The following PHTF2 variants were observed in gnomAD, a reference collection of about 807,000 sequenced individuals.
PHTF2 encodes protein PHTF2.
In PHTF2, 60 loss-of-function variants were observed where a neutral mutation model predicts 101.2. That is an observed-to-expected ratio of 0.59 (90% confidence interval 0.48 to 0.73). The LOEUF (loss-of-function observed/expected upper bound fraction) is 0.73. Ranked by LOEUF, PHTF2 falls within the 30% of genes least tolerant of loss-of-function variation. PHTF2 has a pLI of 0.00. For missense variants in PHTF2, 747 were observed against 908.7 expected (o/e 0.82, Z 2.29); for synonymous variants, 311 against 307.3 (o/e 1.01, Z -0.13).
chr7:77,858,176 T>TA (rs1229695368), intron 3 of PHTF2, among the ~76,000 whole-genome samples: 1 of 152,172 alleles, frequency 6.6e-6, no homozygotes, highest in Non-Finnish European at 1.5e-5. Context: ...CTAGCAGAAA[T>TA]AGATAGGTTA....
intron 9 of PHTF2, among the ~76,000 whole-genome samples, chr7:77,919,985 T>A (rs957932485): frequency 6.6e-6 from 1 of 152,298 alleles, no homozygotes; most frequent in South Asian, 2.1e-4. Context: ...AAATTTTGTT[T>A]CTAGATTTTG....
rs34141515 is a variant in PHTF2 at position 77,809,224 on chromosome 7, G to GT, written c.-36+10273dup. Among the ~76,000 whole-genome samples, 570 of 98,474 alleles carry GT rather than the reference G, an allele frequency of 5.8e-3. 13 individuals are homozygous for GT. Among genetic ancestry groups the GT allele is most frequent in the East Asian group, 0.016 (61 of 3,750 alleles). 64.6% of individuals were successfully genotyped at this position (98,474 alleles called of 152,430 possible). A position where few individuals can be genotyped will look rare whatever the true frequency, so the allele number is the denominator to read the frequency against. On this transcript the variant is annotated intron_variant, in intron 1 of 19. Coordinates refer to ENST00000416283, the Ensembl canonical transcript of PHTF2. ...TTTTCCTATATAAACCCAGTTCGTT[G>GT]TTTTTTTTTTTTTTTTTTTTGAGAT... is the stretch of plus-strand genomic sequence containing the variant.
chr7:77,901,633 T>C (rs2428942), intron 6 of PHTF2, 129 bp from the exon 6 acceptor site: 5,140 of 428,352 alleles, frequency 0.012, 233 homozygotes, highest in African/African-American at 0.094. Flanking sequence ...AATTGGACAT[T>C]TCTCACTCAT....
At chr7:77,879,082 C>A (rs986268034) in intron 3 of PHTF2, among the ~76,000 whole-genome samples, 1 of 152,174 alleles carries the variant, frequency 6.6e-6, no homozygotes, top group African/African-American at 2.4e-5. Context: ...CTTATGCAAC[C>A]ATATCCAGTG....
At chr7:77,817,503 A>C (rs913112313) in intron 1 of PHTF2, among the ~76,000 whole-genome samples, 1 of 152,184 alleles carries the variant, frequency 6.6e-6, no homozygotes, top group Admixed American at 6.5e-5. Context: ...AAGAATGAGA[A>C]CCAAGCAAAG....
intron 12 of PHTF2, among the ~76,000 whole-genome samples, chr7:77,935,315 C>T (rs963621636): frequency 1.6e-4 from 24 of 150,648 alleles, no homozygotes; most frequent in African/African-American, 4.4e-4. Context: ...CTCTGCCTCC[C>T]GGGTTCACGC....
At chr7:77,849,537 C>G (rs1584481640) in intron 2 of PHTF2, among the ~76,000 whole-genome samples, 1 of 152,062 alleles carries the variant, frequency 6.6e-6, no homozygotes, top group East Asian at 1.9e-4. Flanking sequence ...TCTGACTATT[C>G]TTGGTCTTTT....
chr7:77,927,177 A>AAAAAAAAATATATATAT (rs1554388762), intron 11 of PHTF2, among the ~76,000 whole-genome samples: 1 of 78,158 alleles, frequency 1.3e-5, no homozygotes, highest in Non-Finnish European at 2.4e-5. Context: ...AAAAAAAAAA[A>AAAAAAAAATATATATAT]ATATATATAT....
chr7:77,894,119 G>A (rs1302030716), intron 5 of PHTF2, 126 bp downstream of exon 4: 2 of 802,962 alleles, frequency 2.5e-6, no homozygotes, highest in African/African-American at 1.7e-5. Context: ...TGAAAAGTTG[G>A]TCATTTTAAA....
At chr7:77,920,107 C>G (rs1233438470) in intron 9 of PHTF2, among the ~76,000 whole-genome samples, 172 bp from the exon 9 acceptor site, 1 of 152,178 alleles carries the variant, frequency 6.6e-6, no homozygotes, top group Non-Finnish European at 1.5e-5. Context: ...CATTAATTTA[C>G]ATGTTTATTT....
intron 3 of PHTF2, among the ~76,000 whole-genome samples, chr7:77,881,477 A>G (rs1474318224): frequency 2.7e-5 from 4 of 150,514 alleles, no homozygotes. Context: ...CCTGATCTCT[A>G]GCCATAATTC....
intron 1 of PHTF2, among the ~76,000 whole-genome samples, chr7:77,806,697 A>G (rs1241227189): frequency 1.3e-5 from 2 of 152,022 alleles, no homozygotes; most frequent in African/African-American, 2.4e-5. Flanking sequence ...GTTTAAGTCT[A>G]TCGTCTTGCT....
At chr7:77,809,575 G>A (rs1375616005) in intron 1 of PHTF2, among the ~76,000 whole-genome samples, 4 of 152,056 alleles carry the variant, frequency 2.6e-5, no homozygotes, top group South Asian at 2.1e-4. Flanking sequence ...GTGTGTGTGC[G>A]CAAAATATGT....
intron 12 of PHTF2, among the ~76,000 whole-genome samples, chr7:77,930,226 T>A (rs1047862521): frequency 6.6e-6 from 1 of 152,148 alleles, no homozygotes; most frequent in Non-Finnish European, 1.5e-5. Flanking sequence ...AGTGCTGGGA[T>A]TACAGGCATA....
chr7:77,816,374 A>G (rs777333305), intron 1 of PHTF2, among the ~76,000 whole-genome samples: 3 of 152,142 alleles, frequency 2.0e-5, no homozygotes, highest in Non-Finnish European at 4.4e-5. Context: ...CATGCCTGAC[A>G]TGAAATAACT....
chr7:77,870,386 G>T (rs1798419568), intron 3 of PHTF2, among the ~76,000 whole-genome samples: 1 of 152,074 alleles, frequency 6.6e-6, no homozygotes, highest in Non-Finnish European at 1.5e-5. Context: ...AGGCTGAGGA[G>T]CAAGGAGAGC....
At chr7:77,828,457 C>A (rs189469739) in intron 1 of PHTF2, among the ~76,000 whole-genome samples, 3 of 152,042 alleles carry the variant, frequency 2.0e-5, no homozygotes, top group African/African-American at 7.2e-5. Context: ...AAAGACATAT[C>A]AGGTGGGTTG....
chr7:77,830,477 A>G (rs907538089), intron 1 of PHTF2, among the ~76,000 whole-genome samples: 2 of 152,306 alleles, frequency 1.3e-5, no homozygotes, highest in Admixed American at 1.3e-4. Flanking sequence ...CATCACTTCC[A>G]TTACCATCTG....
intron 9 of PHTF2, among the ~76,000 whole-genome samples, chr7:77,913,221 G>C (rs1456010749): frequency 4.5e-4 from 68 of 151,656 alleles, no homozygotes. Context: ...AACCCCACCT[G>C]TACTAAAAAT....
Sources: allele counts gnomAD v4.1 joint callset (sites outside exome capture counted in the v4.1 genomes callset), GRCh38; gene constraint gnomAD v4.1.1; transcripts MANE v1.5; gene names NCBI Gene and HGNC (gene_info 2026-07-23, HGNC 2026-07-21).